The following PHACTR2 variants were observed in gnomAD, a reference collection of about 807,000 sequenced individuals.
PHACTR2 encodes the protein phosphatase and actin regulator 2, also known as chromosome 6 open reading frame 56.
PHACTR2 carries 30 observed loss-of-function variants against 76.0 expected under a neutral mutation model. That is an observed-to-expected ratio of 0.39 (90% CI 0.30 to 0.54). The LOEUF (loss-of-function observed/expected upper bound fraction) is 0.54. PHACTR2 is among the 20% of genes least tolerant of loss of function. The pLI is 0.61. For missense variants in PHACTR2, 696 were observed against 781.1 expected, an observed-to-expected ratio of 0.89 and a Z score of 1.30; for synonymous variants, 292 against 292.5, an observed-to-expected ratio of 1.00 and a Z score of 0.02.
rs147888196 is a variant in PHACTR2 at position 143,671,974 on chromosome 6, A to AG, written c.14-40042_14-40041insG. Among the ~76,000 whole-genome samples, 23,853 of 152,130 alleles carry AG rather than the reference A, an allele frequency of 0.16. 2,206 individuals carry two copies. Among genetic ancestry groups the AG allele is most frequent in the Middle Eastern group, 0.26 (75 of 294 alleles). Reference sequence around the variant, plus strand: ...TATGAAACAAGCCAGATTAAAAAAAACTGTACATAATATTATTCCATTTGT... The same window carrying AG: ...TATGAAACAAGCCAGATTAAAAAAAAGCTGTACATAATATTATTCCATTTGT... On this transcript the variant is annotated intron_variant, in intron 1 of 11. Coordinates refer to the PHACTR2 transcript ENST00000305766. The surrounding 1 kb of genome is among the most constrained non-coding windows in gnomAD (Gnocchi z 4.6).
chr6:143,829,433 C>T lies in PHACTR2; in HGVS notation c.*5744C>T, dbSNP rs1388434672. 6.6e-6 allele frequency: 1 copy of T among 152,130 alleles called. No individual in the cohort carries two copies. The highest frequency in any genetic ancestry group is 6.6e-5 in the Admixed American group (1 of 15,266). 9.4% of individuals were successfully genotyped at this position (152,130 alleles called of 1,614,324 possible). On this transcript the variant is annotated 3_prime_UTR_variant, in exon 13 of 13. Transcript: ENST00000440869. ...CTATTAACGAAGCATTTAATTCACA[C>T]ACAAATGCTTGAATTTCCCCTGTAT...
chr6:143,778,222 G>T (rs1296178112), intron 9 of PHACTR2, among the ~76,000 whole-genome samples: 1 of 152,156 alleles, frequency 6.6e-6, no homozygotes, highest in African/African-American at 2.4e-5. Flanking sequence ...GTACTGCAAT[G>T]GTAGTGACCC....
Position 143,576,125 on chromosome 6 carries a change from G to A in PHACTR2, c.217+38918G>A, listed in dbSNP as rs182548666. Among the ~76,000 whole-genome samples, 138 of 152,298 alleles carry A rather than the reference G, an allele frequency of 9.1e-4. 2 individuals carry two copies. The highest frequency in any genetic ancestry group is 5.7e-4 in the Non-Finnish European group (39 of 68,034). Reference sequence around the variant, plus strand: ...TTTTCTTTATCTTGGCTGGAAACTTGGAGCATCTGCAAGCTTGGTGTCTTC... The same window carrying A: ...TTTTCTTTATCTTGGCTGGAAACTTAGAGCATCTGCAAGCTTGGTGTCTTC... On this transcript the variant is annotated intron_variant, in intron 1 of 11. Coordinates refer to the PHACTR2 transcript ENST00000367584.
intron 1 of PHACTR2, among the ~76,000 whole-genome samples, chr6:143,687,345 C>G (rs1056089346): frequency 2.0e-5 from 3 of 152,124 alleles, no homozygotes; most frequent in East Asian, 1.9e-4. Context: ...AAGAATTGGT[C>G]TTACAATTAA....
intron 1 of PHACTR2, among the ~76,000 whole-genome samples, chr6:143,629,004 G>A (rs1310947751): frequency 7.5e-6 from 1 of 132,722 alleles, no homozygotes; most frequent in African/African-American, 2.9e-5. Context: ...GGGCAGAGAT[G>A]GCCTTATTCA....
chr6:143,761,879 C>T lies in PHACTR2; in HGVS notation c.694+1239C>T, dbSNP rs1288273444. On this transcript the variant is annotated intron_variant, in intron 5 of 12. Coordinates refer to ENST00000440869, the MANE Select transcript of PHACTR2 (RefSeq NM_001100164.2). This position sits in a 1 kb window ranked among gnomAD's most constrained non-coding sequence, Gnocchi z 5.2. ...GACCATAATGCTCAAATTCAGAGAG[C>T]GGTTTAGTTGACAGTATAACAGATC... Among the ~76,000 whole-genome samples, 3 of 152,180 alleles carry T rather than the reference C, an allele frequency of 2.0e-5. No individual in the cohort carries two copies. The highest frequency in any genetic ancestry group is 7.2e-5 in the African/African-American group (3 of 41,436).
chr6:143,581,972 A>C lies in PHACTR2; in HGVS notation c.217+44765A>C. Among the ~76,000 whole-genome samples, 1 of 152,340 alleles carries C rather than the reference A, an allele frequency of 6.6e-6. No individual in the cohort carries two copies. Among genetic ancestry groups the C allele is most frequent in the South Asian group, 2.1e-4 (1 of 4,832 alleles). On this transcript the variant is annotated intron_variant, in intron 1 of 11. Transcript: ENST00000367584. This position sits in a 1 kb window ranked among gnomAD's most constrained non-coding sequence, Gnocchi z 4.5. Reference sequence around the variant, plus strand: ...ATTGGCATGAAGGCCTTGGGTCTTAATGCCTAAGTGAGTCACATAAACCCT... The same window carrying C: ...ATTGGCATGAAGGCCTTGGGTCTTACTGCCTAAGTGAGTCACATAAACCCT...
rs1474071210 is a variant in PHACTR2 at position 143,679,995 on chromosome 6, G to A, written c.46+1786G>A. On this transcript the variant is annotated intron_variant, in intron 1 of 12. Transcript: ENST00000440869. The surrounding 1 kb of genome is among the most constrained non-coding windows in gnomAD (Gnocchi z 4.6). Reference sequence around the variant, plus strand: ...ACCAATCCATACATCATAAATACAGGGTTTTTTATTTTTCAGTTAAGGAAT... The same window carrying A: ...ACCAATCCATACATCATAAATACAGAGTTTTTTATTTTTCAGTTAAGGAAT... 6.6e-6 allele frequency among the ~76,000 whole-genome samples: 1 copy of A among 151,854 alleles called. No homozygotes were observed. The highest frequency in any genetic ancestry group is 1.5e-5 in the Non-Finnish European group (1 of 67,954).
chr6:143,559,332 G>C (rs1411710924), intron 1 of PHACTR2, among the ~76,000 whole-genome samples: 2 of 152,248 alleles, frequency 1.3e-5, no homozygotes, highest in Non-Finnish European at 2.9e-5. Flanking sequence ...CCCTGAATGT[G>C]ATGTGAGACC....
In PHACTR2 at chr6:143,625,595, G is replaced by A. The variant is rs1776244591; in HGVS notation, c.13+17273G>A. On this transcript the variant is annotated intron_variant, in intron 1 of 11. Transcript: ENST00000305766. This position sits in a 1 kb window ranked among gnomAD's most constrained non-coding sequence, Gnocchi z 4.3. ...AGATGTAATATCACCAGTGACTGTG[G>A]GAACTTTGCAATTTGCTAAAAATAA... is the stretch of plus-strand genomic sequence containing the variant. Among the ~76,000 whole-genome samples the A allele has an allele frequency of 6.6e-6, 1 of 152,170 alleles. No homozygotes were observed. The highest frequency in any genetic ancestry group is 1.5e-5 in the Non-Finnish European group (1 of 68,040).
chr6:143,616,975 G>A lies in PHACTR2; in HGVS notation c.13+8653G>A, dbSNP rs931986195. 1.3e-5 allele frequency among the ~76,000 whole-genome samples: 2 copies of A among 152,168 alleles called. No homozygotes were observed. Among genetic ancestry groups the A allele is most frequent in the Non-Finnish European group, 2.9e-5 (2 of 68,034 alleles). On this transcript the variant is annotated intron_variant, in intron 1 of 11. Coordinates refer to the PHACTR2 transcript ENST00000305766. The surrounding 1 kb of genome is among the most constrained non-coding windows in gnomAD (Gnocchi z 4.9). ...GTGTCTGGGGCCTGATGAGAGGTAG[G>A]GGCCTCAGACCAATCAGGGAGGGCC...
chr6:143,608,424 T>G lies in PHACTR2; in HGVS notation c.13+102T>G, dbSNP rs1288848490. 2.5e-6 allele frequency: 3 copies of G among 1,207,552 alleles called. No individual in the cohort carries two copies. The highest frequency in any genetic ancestry group is 4.7e-5 in the East Asian group (2 of 42,362). 74.8% of individuals were successfully genotyped at this position (1,207,552 alleles called of 1,614,324 possible). ...CCTATTTGTTGCTCTCGTTTTGCAC[T>G]TAAATGTTCAAGACTGAGACGCGTG... On this transcript the variant is annotated intron_variant, in intron 1 of 11. Transcript: ENST00000305766. The surrounding 1 kb of genome is among the most constrained non-coding windows in gnomAD (Gnocchi z 4.6).
rs1161147043 is a variant in PHACTR2 at position 143,828,390 on chromosome 6, A to G, written c.*4701A>G. The G allele has an allele frequency of 1.3e-5, 2 of 152,050 alleles. No homozygotes were observed. The highest frequency in any genetic ancestry group is 2.4e-5 in the African/African-American group (1 of 41,374). 9.4% of individuals were successfully genotyped at this position (152,050 alleles called of 1,614,324 possible). A position where few individuals can be genotyped will look rare whatever the true frequency, so the allele number is the denominator to read the frequency against. The stretch of plus-strand genomic sequence containing the variant: ...CAAATCATTCCCATTTTCACTTCCA[A>G]TTTCCCTTTTGTAATCATTAAGCTT... On this transcript the variant is annotated 3_prime_UTR_variant, in exon 13 of 13. Transcript: ENST00000440869. The surrounding 1 kb of genome is among the most constrained non-coding windows in gnomAD (Gnocchi z 4.7).
chr6:143,549,837 G>A lies in PHACTR2; in HGVS notation c.217+12630G>A, dbSNP rs1042227239. Among the ~76,000 whole-genome samples the A allele has an allele frequency of 8.6e-5, 13 of 151,750 alleles. No homozygotes were observed. Among genetic ancestry groups the A allele is most frequent in the African/African-American group, 3.1e-4 (13 of 41,334 alleles). On this transcript the variant is annotated intron_variant, in intron 1 of 11. Coordinates refer to the PHACTR2 transcript ENST00000367584. The surrounding 1 kb of genome is among the most constrained non-coding windows in gnomAD (Gnocchi z 4.2). Reference sequence around the variant, plus strand: ...CTTAGGAGTGGGGGTGGGGTGTCTCGGTATGATTCAGCCGGTCCCTGGCCT... The same window carrying A: ...CTTAGGAGTGGGGGTGGGGTGTCTCAGTATGATTCAGCCGGTCCCTGGCCT...
At chr6:143,675,817 G>A (rs1164613197), upstream of PHACTR2, among the ~76,000 whole-genome samples, 1 of 152,174 alleles carries the variant, frequency 6.6e-6, no homozygotes, top group East Asian at 1.9e-4. The surrounding 1 kb of genome is among the most constrained non-coding windows in gnomAD (Gnocchi z 4.9). Context: ...TTAACACCCA[G>A]AACTCTTAGT....
rs1026788481 is a variant in PHACTR2 at position 143,646,615 on chromosome 6, G to A, written c.13+38293G>A. ...CTTTCCTAGGTACATGGAGCAAATA[G>A]AGAAGATAATTAGAATTCCACTTTT... is the stretch of plus-strand genomic sequence containing the variant. On this transcript the variant is annotated intron_variant, in intron 1 of 11. Coordinates refer to the PHACTR2 transcript ENST00000305766. The surrounding 1 kb of genome is among the most constrained non-coding windows in gnomAD (Gnocchi z 4.1). 6.6e-6 allele frequency among the ~76,000 whole-genome samples: 1 copy of A among 152,162 alleles called. No homozygotes were observed. Among genetic ancestry groups the A allele is most frequent in the Non-Finnish European group, 1.5e-5 (1 of 68,030 alleles).
At position 143,618,485 on chromosome 6, in the gene PHACTR2, C is replaced by T. The variant is rs1396929417; in HGVS notation, c.13+10163C>T. 6.6e-6 allele frequency among the ~76,000 whole-genome samples: 1 copy of T among 151,996 alleles called. No individual in the cohort carries two copies. The highest frequency in any genetic ancestry group is 1.5e-5 in the Non-Finnish European group (1 of 68,022). ...CTTTTACAATGTTTGACTTAACTACCTCACATGGTCATGAGCGTCACTTGA... is the reference window on the plus strand; with the variant it reads ...CTTTTACAATGTTTGACTTAACTACTTCACATGGTCATGAGCGTCACTTGA... On this transcript the variant is annotated intron_variant, in intron 1 of 11. Transcript: ENST00000305766. The surrounding 1 kb of genome is among the most constrained non-coding windows in gnomAD (Gnocchi z 5.2).
In PHACTR2 at chr6:143,546,210, A is replaced by G. The variant is rs1774994432; in HGVS notation, c.217+9003A>G. 6.6e-6 allele frequency among the ~76,000 whole-genome samples: 1 copy of G among 152,188 alleles called. No individual in the cohort carries two copies. The highest frequency in any genetic ancestry group is 1.5e-5 in the Non-Finnish European group (1 of 68,034). ...TAGGTTGCAGCAGCGTGCCTTAGAA[A>G]GATTTCTGAGCTCTAACTTATTTTG... On this transcript the variant is annotated intron_variant, in intron 1 of 11. Transcript: ENST00000367584. This position sits in a 1 kb window ranked among gnomAD's most constrained non-coding sequence, Gnocchi z 4.9.
At chr6:143,665,639 C>T (rs892351024) in intron 1 of PHACTR2, among the ~76,000 whole-genome samples, 5 of 152,180 alleles carry the variant, frequency 3.3e-5, no homozygotes, top group Admixed American at 3.3e-4. Flanking sequence ...AACCCAGAAT[C>T]CAGATGCATT....
Sources: allele counts gnomAD v4.1 joint callset (sites outside exome capture counted in the v4.1 genomes callset), GRCh38; gene constraint gnomAD v4.1.1; non-coding constraint Gnocchi (gnomAD v3.1); transcripts MANE v1.5; gene names NCBI Gene and HGNC (gene_info 2026-07-23, HGNC 2026-07-21).